Variants in UNC13B observed in about 807,000 individuals in gnomAD.
UNC13B encodes unc-13 homolog B.
UNC13B carries 144 observed loss-of-function variants against 211.0 expected under a neutral mutation model. The observed-to-expected ratio is 0.68, with a 90% CI of 0.60 to 0.78. The LOEUF (loss-of-function observed/expected upper bound fraction) is 0.78. Among genes scored for constraint, UNC13B ranks in the 30% least tolerant of loss-of-function variants. The pLI, the probability that UNC13B is intolerant of heterozygous loss-of-function variation, is 0.00. For synonymous variants in UNC13B, 709 were observed against 725.8 expected, an observed-to-expected ratio of 0.98 and a Z score of 0.37; for missense variants, 1,777 against 2,002.0, an observed-to-expected ratio of 0.89 and a Z score of 2.14.
chr9:35,358,364 G>T (rs1833168243), intron 11 of UNC13B, among the ~76,000 whole-genome samples: 1 of 152,118 alleles, frequency 6.6e-6, no homozygotes, highest in South Asian at 2.1e-4. Flanking sequence ...ATTTTTTGAA[G>T]AATCACCATA....
At chr9:35,358,155 G>A (rs555819244) in intron 11 of UNC13B, among the ~76,000 whole-genome samples, 1 of 152,282 alleles carries the variant, frequency 6.6e-6, no homozygotes, top group Non-Finnish European at 1.5e-5. Flanking sequence ...AATTTTTAAG[G>A]CTGCATCGTA....
At chr9:35,364,035 G>A (rs1833605054) in intron 11 of UNC13B, among the ~76,000 whole-genome samples, 1 of 152,228 alleles carries the variant, frequency 6.6e-6, no homozygotes, top group African/African-American at 2.4e-5. Flanking sequence ...AGCTCATTGA[G>A]TGAATGCATG....
chr9:35,193,476 G>C (rs773473168), intron 1 of UNC13B, among the ~76,000 whole-genome samples: 13 of 151,820 alleles, frequency 8.6e-5, no homozygotes, highest in Admixed American at 8.5e-4. Context: ...GTGAAACCCC[G>C]TCTCTACTAA....
intron 11 of UNC13B, among the ~76,000 whole-genome samples, chr9:35,317,592 G>A (rs1353754622): frequency 6.8e-6 from 1 of 147,380 alleles, no homozygotes; most frequent in Non-Finnish European, 1.5e-5. Flanking sequence ...GTATGATCTC[G>A]GCTGATTGTA....
chr9:35,331,587 G>T (rs981655664), intron 11 of UNC13B, among the ~76,000 whole-genome samples: 1 of 152,114 alleles, frequency 6.6e-6, no homozygotes. Context: ...AGTGGGTACT[G>T]CTGGGTACTG....
intron 1 of UNC13B, among the ~76,000 whole-genome samples, chr9:35,227,404 G>T (rs1360893138): frequency 6.6e-6 from 1 of 151,818 alleles, no homozygotes; most frequent in Non-Finnish European, 1.5e-5. Context: ...ATAGCTACTT[G>T]GTGCTTTCTG....
chr9:35,162,066 G>A lies in UNC13B; in HGVS notation c.-218G>A, dbSNP rs995373170. ...GTCGCTGTGCCGCGCCCAGTCCCCA[G>A]CCTGCCGGCCGGTACTCACCGCTAC... is the stretch of plus-strand genomic sequence containing the variant. On this transcript the variant is annotated 5_prime_UTR_variant, in exon 1 of 40. Transcript: ENST00000635942. 4 of 620,736 alleles carry A rather than the reference G, an allele frequency of 6.4e-6. No homozygotes were observed. Among genetic ancestry groups the A allele is most frequent in the African/African-American group, 2.0e-5 (1 of 51,168 alleles). 38.5% of individuals were successfully genotyped at this position (620,736 alleles called of 1,614,324 possible).
At chr9:35,375,993 A>G (rs1834376430) in intron 14 of UNC13B, 35 bp from the exon 15 acceptor site, 1 of 1,611,602 alleles carries the variant, frequency 6.2e-7, no homozygotes, top group Admixed American at 1.7e-5. Context: ...ACAAACAAAA[A>G]ACAAAAATCA....
intron 11 of UNC13B, among the ~76,000 whole-genome samples, chr9:35,351,007 T>C (rs1832687621): frequency 6.6e-6 from 1 of 152,258 alleles, no homozygotes; most frequent in Non-Finnish European, 1.5e-5. Flanking sequence ...ACTTACTCAT[T>C]GACCTTACTT....
At chr9:35,200,900 C>T (rs1451544077) in intron 1 of UNC13B, among the ~76,000 whole-genome samples, 1 of 152,196 alleles carries the variant, frequency 6.6e-6, no homozygotes, top group Non-Finnish European at 1.5e-5. Flanking sequence ...GAGAGGGCAT[C>T]CCTGTCTTGT....
chr9:35,183,694 G>A (rs1320933647), intron 1 of UNC13B, among the ~76,000 whole-genome samples: 4 of 141,124 alleles, frequency 2.8e-5, no homozygotes, highest in East Asian at 2.2e-4. Context: ...TCCCAGACGG[G>A]GCAGCTGGGC....
chr9:35,254,791 C>T (rs898110456), intron 6 of UNC13B, among the ~76,000 whole-genome samples: 10 of 147,988 alleles, frequency 6.8e-5, no homozygotes, highest in South Asian at 2.1e-4. Context: ...ATTTTCTGTG[C>T]GACTAGGTTT....
intron 1 of UNC13B, among the ~76,000 whole-genome samples, chr9:35,166,362 C>T (rs1019291026): frequency 4.0e-5 from 6 of 151,682 alleles, no homozygotes; most frequent in East Asian, 1.9e-4. Context: ...GCTTGGGTGA[C>T]GAAGTGAGAC....
chr9:35,396,823 C>G lies in UNC13B; in HGVS notation c.11436-18C>G. ...CCACCGCTAGTTCTAAGCCCCTGTT[C>G]TCCTGCTGTGGCTGCAGGTGGTTTG... On this transcript the variant is annotated intron_variant, in intron 27 of 39. Transcript: ENST00000635942. 6.2e-7 allele frequency: 1 copy of G among 1,614,066 alleles called. No individual in the cohort carries two copies. The highest frequency in any genetic ancestry group is 8.5e-7 in the Non-Finnish European group (1 of 1,179,928).
At position 35,306,096 on chromosome 9, in the gene UNC13B, A is replaced by G. The variant is rs1235975330; in HGVS notation, c.6692A>G (p.Glu2231Gly). 5.0e-6 allele frequency: 2 copies of G among 398,876 alleles called. No individual in the cohort carries two copies. Among genetic ancestry groups the G allele is most frequent in the East Asian group, 7.1e-5 (2 of 28,070 alleles). 24.7% of individuals were successfully genotyped at this position (398,876 alleles called of 1,614,324 possible). The stretch of plus-strand genomic sequence containing the variant: ...GATCAAAAAAAGGAGACCTCTGGGG[A>G]AAAACAAAGCATTTCAACTGTTGTT... ...FLDQKKETSG[E>G]KQSISTVVPV... The change falls in exon 9 of 40, where the codon GAA becomes GGA. Residue 2231 changes from glutamate to glycine, a missense_variant. Coordinates refer to ENST00000635942, the MANE Select transcript of UNC13B (RefSeq NM_001371189.2).
At chr9:35,206,542 G>C (rs1369786898) in intron 1 of UNC13B, among the ~76,000 whole-genome samples, 1 of 152,068 alleles carries the variant, frequency 6.6e-6, no homozygotes, top group Admixed American at 6.6e-5. Context: ...ATGGTGGTTT[G>C]TATCAGCATG....
At position 35,390,073 on chromosome 9, in the gene UNC13B, T is replaced by C. The variant is rs1835436309; in HGVS notation, c.11222+100T>C. 11 of 1,551,896 alleles carry C rather than the reference T, an allele frequency of 7.1e-6. No individual in the cohort carries two copies. In the Admixed American group the frequency reaches 1.6e-4, roughly 22 times the overall value. ...GTCTCTGTATGTTTGCAGTGCCACC[T>C]CTTCTTCCTGTCCATCCATCTGTCC... On this transcript the variant is annotated intron_variant, in intron 25 of 39. Transcript: ENST00000635942.
intron 22 of UNC13B, chr9:35,384,536 GTC>G: frequency 1.0e-6 from 1 of 985,440 alleles, no homozygotes; most frequent in Non-Finnish European, 1.2e-6. Flanking sequence ...ATAGACAGTT[GTC>G]TTTCCAACCT....
chr9:35,206,433 T>G (rs1390038350), intron 1 of UNC13B, among the ~76,000 whole-genome samples: 1 of 152,198 alleles, frequency 6.6e-6, no homozygotes, highest in Non-Finnish European at 1.5e-5. Flanking sequence ...TCTCTATGGA[T>G]TTTGCAGTTC....
Sources: gnomAD v4.1 joint callset for allele counts (sites outside exome capture counted in the v4.1 genomes callset) on GRCh38, gnomAD v4.1.1 for gene constraint, MANE v1.5 for transcripts, NCBI Gene and HGNC (gene_info 2026-07-23, HGNC 2026-07-21) for gene names.